Variants in DAB1 observed in about 807,000 individuals in gnomAD.
DAB1 encodes the protein DAB adaptor protein 1.
A neutral mutation model predicts 64.6 loss-of-function variants in DAB1; 15 were observed. The ratio of observed to expected loss-of-function variants is 0.23; its 90% CI spans 0.16 to 0.36. The LOEUF is 0.36. DAB1 is among the 10% of genes least tolerant of loss of function. DAB1 has a pLI of 1.00. For missense variants in DAB1, 596 were observed against 706.7 expected, an observed-to-expected ratio of 0.84 and a Z score of 1.78; for synonymous variants, 235 against 251.9, an observed-to-expected ratio of 0.93 and a Z score of 0.64.
At chr1:57,714,111 G>T (rs1370269177) in intron 6 of DAB1, among the ~76,000 whole-genome samples, 2 of 152,148 alleles carry the variant, frequency 1.3e-5, no homozygotes, top group Non-Finnish European at 2.9e-5. Flanking sequence ...ATACAGATAA[G>T]AACTAAAATA....
intron 4 of DAB1, among the ~76,000 whole-genome samples, chr1:58,237,491 A>C (rs1378758140): frequency 6.6e-6 from 1 of 151,942 alleles, no homozygotes; most frequent in Non-Finnish European, 1.5e-5. Context: ...AAGTTTTGAC[A>C]CTGTTTTCAG....
chr1:57,152,145 A>T (rs1180669807), intron 2 of DAB1, among the ~76,000 whole-genome samples: 1 of 152,172 alleles, frequency 6.6e-6, no homozygotes, highest in African/African-American at 2.4e-5. Context: ...GATCTCCTTA[A>T]GTGTGAGAAA....
At chr1:57,959,096 G>T (rs941396978) in intron 5 of DAB1, among the ~76,000 whole-genome samples, 1 of 152,192 alleles carries the variant, frequency 6.6e-6, no homozygotes, top group Admixed American at 6.5e-5. Flanking sequence ...CAAGTGATCA[G>T]CACTCAGAAT....
chr1:57,955,420 A>C (rs533308319), intron 5 of DAB1, among the ~76,000 whole-genome samples: 1 of 152,220 alleles, frequency 6.6e-6, no homozygotes, highest in East Asian at 1.9e-4. Flanking sequence ...CTGTCAGTCA[A>C]GCCCACATGC....
In DAB1 at chr1:57,154,789, G is replaced by T. The variant is rs184985649; in HGVS notation, c.68-9360C>A. ...TAGTTTTGATTTGCATTTCTCTGAT[G>T]ATCAATGACATTGAGCACCTTTTCA... On this transcript the variant is annotated intron_variant, in intron 2 of 14. Transcript: ENST00000371236. 3.4e-3 allele frequency among the ~76,000 whole-genome samples: 513 copies of T among 152,208 alleles called. 4 individuals are homozygous for T. Among genetic ancestry groups the T allele is most frequent in the African/African-American group, 0.012 (502 of 41,544 alleles).
At position 58,224,200 on chromosome 1, in the gene DAB1, G is replaced by C. The variant is rs546047701; in HGVS notation, n.310-73612C>G. Among the ~76,000 whole-genome samples the C allele has an allele frequency of 2.3e-3, 346 of 152,300 alleles. 2 individuals carry two copies. Among genetic ancestry groups the C allele is most frequent in the African/African-American group, 7.8e-3 (324 of 41,580 alleles). On this transcript the variant is annotated intron_variant and non_coding_transcript_variant, in intron 4 of 20. Coordinates refer to the DAB1 transcript ENST00000485760. Reference sequence around the variant, plus strand: ...TTTGTCCTTGAGCAAGTTTCCCCTAGGTTGTCTGAGCCTAGGTTCCACATC... The same window carrying C: ...TTTGTCCTTGAGCAAGTTTCCCCTACGTTGTCTGAGCCTAGGTTCCACATC...
intron 4 of DAB1, among the ~76,000 whole-genome samples, chr1:58,304,630 A>G (rs1662264745): frequency 6.6e-6 from 1 of 152,214 alleles, no homozygotes; most frequent in Admixed American, 6.5e-5. Context: ...TATGGAAAGA[A>G]GATCTCTAAG....
chr1:57,639,496 T>C (rs2101639530), intron 7 of DAB1, among the ~76,000 whole-genome samples: 1 of 151,828 alleles, frequency 6.6e-6, no homozygotes, highest in African/African-American at 2.4e-5. Flanking sequence ...AGCAGAGGAG[T>C]CGCCTTTTCA....
intron 4 of DAB1, among the ~76,000 whole-genome samples, chr1:57,086,494 G>A (rs1653084113): frequency 6.6e-6 from 1 of 152,130 alleles, no homozygotes; most frequent in African/African-American, 2.4e-5. Flanking sequence ...CAGACTCTCT[G>A]GTCTGGGGAC....
intron 4 of DAB1, among the ~76,000 whole-genome samples, chr1:58,194,720 A>G (rs562374552): frequency 1.3e-5 from 2 of 152,212 alleles, no homozygotes; most frequent in South Asian, 2.1e-4. Flanking sequence ...TTCATTCTTC[A>G]AATTGGATAA....
intron 5 of DAB1, among the ~76,000 whole-genome samples, chr1:58,069,699 T>C (rs1037635123): frequency 6.6e-6 from 1 of 152,172 alleles, no homozygotes; most frequent in Non-Finnish European, 1.5e-5. Flanking sequence ...AATGATATCT[T>C]ATGTAATACA....
At chr1:57,010,836 C>G in intron 13 of DAB1, 46 bp from the exon 14 acceptor site, 1 of 1,379,606 alleles carries the variant, frequency 7.2e-7, no homozygotes, top group African/African-American at 1.5e-5. Context: ...TCTTTTCAAG[C>G]ATTGAAAATA....
intron 3 of DAB1, among the ~76,000 whole-genome samples, chr1:58,372,884 T>A (rs554785358): frequency 6.6e-6 from 1 of 152,192 alleles, no homozygotes; most frequent in African/African-American, 2.4e-5. Context: ...CCCACCCCTG[T>A]AGAACTGTGC....
chr1:57,518,909 A>G (rs1252462046), intron 7 of DAB1, among the ~76,000 whole-genome samples: 15 of 152,186 alleles, frequency 9.9e-5, no homozygotes, highest in Non-Finnish European at 1.9e-4. Flanking sequence ...CATCTGAGCC[A>G]GCTCTGGGGT....
At position 58,062,690 on chromosome 1, in the gene DAB1, G is replaced by C. The variant is rs867860832; in HGVS notation, n.387+87821C>G. Among the ~76,000 whole-genome samples the C allele has an allele frequency of 9.8e-5, 15 of 152,330 alleles. 1 individual carries two copies. Among genetic ancestry groups the C allele is most frequent in the Middle Eastern group, 6.8e-3 (2 of 294 alleles). On this transcript the variant is annotated intron_variant and non_coding_transcript_variant, in intron 5 of 20. Coordinates refer to the DAB1 transcript ENST00000485760. ...AGTTCCAGCCCTGATGCTCCGTCAG[G>C]TGAGGAATTTGATGGAGGGCCTACC...
chr1:58,411,000 A>G (rs553590623), intron 3 of DAB1, among the ~76,000 whole-genome samples: 4 of 152,332 alleles, frequency 2.6e-5, no homozygotes, highest in Admixed American at 2.6e-4. Context: ...GAAAAATTAC[A>G]GAGTTGGTAG....
chr1:57,825,722 A>C (rs1652320855), downstream of DAB1, among the ~76,000 whole-genome samples: 1 of 152,222 alleles, frequency 6.6e-6, no homozygotes, highest in Non-Finnish European at 1.5e-5. Context: ...CTCAAATAAG[A>C]TAAATTTTCT....
At chr1:57,212,832 C>G (rs1666132142) in intron 2 of DAB1, among the ~76,000 whole-genome samples, 1 of 152,288 alleles carries the variant, frequency 6.6e-6, no homozygotes, top group East Asian at 1.9e-4. Flanking sequence ...AGAAGCTAAT[C>G]AGTGTTAGAG....
intron 5 of DAB1, among the ~76,000 whole-genome samples, chr1:57,908,311 C>T (rs1013895735): frequency 1.2e-4 from 18 of 152,090 alleles, no homozygotes; most frequent in Non-Finnish European, 2.1e-4. Flanking sequence ...CATCCTTGTG[C>T]CCATACATTA....
Sources: allele counts gnomAD v4.1 joint callset (sites outside exome capture counted in the v4.1 genomes callset), GRCh38; gene constraint gnomAD v4.1.1; transcripts MANE v1.5; gene names NCBI Gene and HGNC (gene_info 2026-07-23, HGNC 2026-07-21).